Variants in GATAD2B observed in about 807,000 individuals in gnomAD.
GATAD2B encodes transcriptional repressor p66-beta.
Under a neutral mutation model 64.3 loss-of-function variants are expected in GATAD2B, and 8 were observed. The ratio of observed to expected loss-of-function variants is 0.12; its 90% CI spans 0.07 to 0.22. GATAD2B has a LOEUF of 0.22. GATAD2B is among the 10% of genes least tolerant of loss of function. The pLI is 1.00. For missense variants in GATAD2B, 453 were observed against 752.0 expected (o/e 0.60, Z 4.65); for synonymous variants, 281 against 271.3 (o/e 1.04, Z -0.35).
intron 1 of GATAD2B, among the ~76,000 whole-genome samples, chr1:153,842,806 C>G (rs556661862): frequency 6.6e-6 from 1 of 152,158 alleles, no homozygotes. Context: ...GCGCCTGCCA[C>G]CACTCCTGGC....
At chr1:153,877,370 G>C (rs557543556) in intron 1 of GATAD2B, among the ~76,000 whole-genome samples, 1 of 151,592 alleles carries the variant, frequency 6.6e-6, no homozygotes, top group Non-Finnish European at 1.5e-5. Context: ...TAAAGGGACA[G>C]ACGTGGCCAA....
At chr1:153,860,967 A>G (rs1372143120) in intron 1 of GATAD2B, among the ~76,000 whole-genome samples, 4 of 152,206 alleles carry the variant, frequency 2.6e-5, no homozygotes, top group African/African-American at 4.8e-5. Flanking sequence ...TAACCAGTAT[A>G]TAACAGGCAC....
chr1:153,808,163 A>G lies in GATAD2B; in HGVS notation c.*2014T>C, dbSNP rs1210774770. 3 of 152,596 alleles carry G rather than the reference A, an allele frequency of 2.0e-5. No homozygotes were observed. The East Asian group carries it at 5.8e-4, about 29-fold the overall frequency. The allele number at this position is 152,596 out of a possible 1,614,324, so 9.5% of individuals were successfully genotyped here. A position where few individuals can be genotyped will look rare whatever the true frequency, so the allele number is the denominator to read the frequency against. On this transcript the variant is annotated 3_prime_UTR_variant, in exon 11 of 11. Coordinates refer to ENST00000368655, the MANE Select transcript of GATAD2B (RefSeq NM_020699.4). The stretch of plus-strand genomic sequence containing the variant: ...CAGGGGTACCACATTCCCCGGAAAA[A>G]TACTCAAAAAACCCAATCACTACCT...
intron 1 of GATAD2B, among the ~76,000 whole-genome samples, chr1:153,873,978 G>A (rs1676747048): frequency 1.3e-5 from 2 of 151,442 alleles, no homozygotes. Flanking sequence ...GTAGGGAGGG[G>A]ACCGGGTGCG....
At chr1:153,858,379 C>T (rs1676160655) in intron 1 of GATAD2B, among the ~76,000 whole-genome samples, 1 of 152,014 alleles carries the variant, frequency 6.6e-6, no homozygotes, top group Admixed American at 6.6e-5. Context: ...GGCAAAACCC[C>T]ATGTCTACAA....
At chr1:153,829,880 A>G (rs1675015110) in intron 1 of GATAD2B, among the ~76,000 whole-genome samples, 1 of 151,930 alleles carries the variant, frequency 6.6e-6, no homozygotes, top group South Asian at 2.1e-4. Context: ...TGGGTAGATC[A>G]CTTGAGATCA....
intron 1 of GATAD2B, among the ~76,000 whole-genome samples, chr1:153,838,672 T>C (rs1052622588): frequency 1.4e-4 from 22 of 152,188 alleles, no homozygotes; most frequent in Admixed American, 9.2e-4. Flanking sequence ...ATATTTTCTC[T>C]TTTACATTCA....
chr1:153,842,397 C>T (rs1235042463), intron 1 of GATAD2B, among the ~76,000 whole-genome samples: 2 of 152,040 alleles, frequency 1.3e-5, no homozygotes, highest in African/African-American at 4.8e-5. Context: ...ATGTGGTCTC[C>T]TATTTTTAGT....
At chr1:153,872,092 C>T (rs1168342755) in intron 1 of GATAD2B, among the ~76,000 whole-genome samples, 7 of 151,834 alleles carry the variant, frequency 4.6e-5, no homozygotes, top group African/African-American at 1.5e-4. Context: ...CTGCGGTAGG[C>T]GGATCACTTG....
chr1:153,846,724 C>T (rs1350354630), intron 1 of GATAD2B, among the ~76,000 whole-genome samples: 1 of 151,854 alleles, frequency 6.6e-6, no homozygotes, highest in Non-Finnish European at 1.5e-5. Context: ...CCACTCCTGG[C>T]TAATTTTTGT....
At chr1:153,826,365 A>T (rs1057422926) in intron 2 of GATAD2B, among the ~76,000 whole-genome samples, 1 of 152,028 alleles carries the variant, frequency 6.6e-6, no homozygotes, top group African/African-American at 2.4e-5. Context: ...GTGATGGCTC[A>T]TGCCTATAAT....
In GATAD2B at chr1:153,809,244, A is replaced by C. The variant is rs189570738; in HGVS notation, c.*933T>G. 6.6e-6 allele frequency: 1 copy of C among 152,182 alleles called. No homozygotes were observed. The highest frequency in any genetic ancestry group is 2.1e-4 in the South Asian group (1 of 4,830). 9.4% of individuals were successfully genotyped at this position (152,182 alleles called of 1,614,324 possible). A position where few individuals can be genotyped will look rare whatever the true frequency, so the allele number is the denominator to read the frequency against. ...AGGGTGGGGTGAGGGAGAATTTTAC[A>C]AAGAATACAAGATGAAATAATTTTG... On this transcript the variant is annotated 3_prime_UTR_variant, in exon 11 of 11. Transcript: ENST00000368655.
At chr1:153,837,029 G>C (rs1675291833) in intron 1 of GATAD2B, among the ~76,000 whole-genome samples, 1 of 152,176 alleles carries the variant, frequency 6.6e-6, no homozygotes, top group Non-Finnish European at 1.5e-5. Context: ...GCTACTCTTT[G>C]TCTTTACTAA....
In GATAD2B at chr1:153,892,972, TGTGAGCCACTGC is replaced by T. The variant is rs1465693541; in HGVS notation, c.-2+29749_-2+29760del. On this transcript the variant is annotated intron_variant, in intron 1 of 10. Coordinates refer to ENST00000368655, the MANE Select transcript of GATAD2B (RefSeq NM_020699.4). Reference sequence around the variant, plus strand: ...CCTCCCAAAGTGCTGGGATTATAGGTGTGAGCCACTGCGCCCGGCCAAGAAATCTTCTTTATT... The same window carrying T: ...CCTCCCAAAGTGCTGGGATTATAGGTGCCCGGCCAAGAAATCTTCTTTATT... Among the ~76,000 whole-genome samples the T allele has an allele frequency of 2.6e-5, 4 of 152,158 alleles. No homozygotes were observed. In the South Asian group the frequency reaches 8.3e-4, roughly 32 times the overall value.
At position 153,879,881 on chromosome 1, in the gene GATAD2B, T is replaced by C. The variant is rs747914510; in HGVS notation, c.-2+42852A>G. Among the ~76,000 whole-genome samples the C allele has an allele frequency of 3.3e-5, 5 of 151,918 alleles. No homozygotes were observed. The South Asian group carries it at 6.2e-4, about 19-fold the overall frequency. On this transcript the variant is annotated intron_variant, in intron 1 of 10. Coordinates refer to ENST00000368655, the MANE Select transcript of GATAD2B (RefSeq NM_020699.4). The stretch of plus-strand genomic sequence containing the variant: ...CAATCACTACAACTGAACCCCAAAA[T>C]TGTAACACTTGCAATGCATGGACAC...
intron 7 of GATAD2B, among the ~76,000 whole-genome samples, chr1:153,814,352 T>A (rs1432636828): frequency 4.6e-5 from 7 of 152,382 alleles, no homozygotes; most frequent in African/African-American, 1.7e-4. Flanking sequence ...GGTTTAGTAT[T>A]GGTTTACAGC....
At chr1:153,881,800 T>TGC (rs1439090164) in intron 1 of GATAD2B, among the ~76,000 whole-genome samples, 1 of 151,330 alleles carries the variant, frequency 6.6e-6, no homozygotes, top group Admixed American at 6.6e-5. Flanking sequence ...TGTGTGTGTG[T>TGC]GGAGGGTCGT....
chr1:153,855,973 G>A (rs1475956992), intron 1 of GATAD2B, among the ~76,000 whole-genome samples: 4 of 152,176 alleles, frequency 2.6e-5, no homozygotes, highest in Non-Finnish European at 4.4e-5. Flanking sequence ...ATGAGTCACC[G>A]TGCCCAGTCA....
At chr1:153,812,551 A>T (rs1170487889) in intron 8 of GATAD2B, among the ~76,000 whole-genome samples, 2 of 152,154 alleles carry the variant, frequency 1.3e-5, no homozygotes, top group African/African-American at 4.8e-5. Flanking sequence ...CAACTGATAT[A>T]ATTAAGGCTG....
Sources: allele counts gnomAD v4.1 joint callset (sites outside exome capture counted in the v4.1 genomes callset), GRCh38; gene constraint gnomAD v4.1.1; transcripts MANE v1.5; gene names NCBI Gene and HGNC (gene_info 2026-07-23, HGNC 2026-07-21).